Variants in RELL1 observed in about 807,000 individuals in gnomAD.
RELL1 encodes the protein RELT-like protein 1.
Under a neutral mutation model 23.0 loss-of-function variants are expected in RELL1, and 10 were observed. The observed-to-expected ratio is 0.43, with a 90% CI of 0.27 to 0.74. The LOEUF (loss-of-function observed/expected upper bound fraction) is 0.74. Ranked by LOEUF, RELL1 falls within the 30% of genes least tolerant of loss-of-function variation. RELL1 has a pLI of 0.19. For synonymous variants in RELL1, 146 were observed against 146.8 expected (o/e 0.99, Z 0.04); for missense variants, 315 against 364.4 (o/e 0.86, Z 1.10).
intron 3 of RELL1, among the ~76,000 whole-genome samples, chr4:37,644,749 C>G (rs532163899): frequency 4.3e-4 from 65 of 152,198 alleles, no homozygotes; most frequent in African/African-American, 1.5e-3. Context: ...CATGAGCCAG[C>G]ACGCCCGGCC....
chr4:37,671,467 G>A (rs1213327471), intron 1 of RELL1, among the ~76,000 whole-genome samples: 1 of 152,164 alleles, frequency 6.6e-6, no homozygotes, highest in Non-Finnish European at 1.5e-5. Context: ...CAATGAAAGT[G>A]ACCTCTGGTT....
At chr4:37,676,320 A>T (rs1022249164) in intron 1 of RELL1, among the ~76,000 whole-genome samples, 1 of 152,196 alleles carries the variant, frequency 6.6e-6, no homozygotes, top group Non-Finnish European at 1.5e-5. Flanking sequence ...GTACTTTGTT[A>T]ATACCTGTTG....
chr4:37,604,766 C>CACACAG (rs1577557692), intron 6 of RELL1, among the ~76,000 whole-genome samples: 1 of 137,134 alleles, frequency 7.3e-6, no homozygotes, highest in Admixed American at 7.3e-5. Context: ...AAGAACCACA[C>CACACAG]ACACACACAG....
chr4:37,618,178 T>C (rs1719636853), intron 6 of RELL1, among the ~76,000 whole-genome samples: 1 of 152,176 alleles, frequency 6.6e-6, no homozygotes, highest in Admixed American at 6.5e-5. Context: ...CAGTAGATGC[T>C]CTGTGTCTGT....
intron 1 of RELL1, among the ~76,000 whole-genome samples, chr4:37,676,358 G>A (rs560749656): frequency 5.9e-5 from 9 of 152,238 alleles, no homozygotes; most frequent in South Asian, 4.1e-4. Context: ...AAGAAGCCAC[G>A]AAACAATTGG....
intron 3 of RELL1, among the ~76,000 whole-genome samples, chr4:37,642,192 T>C (rs528954209): frequency 7.2e-5 from 11 of 152,326 alleles, no homozygotes; most frequent in African/African-American, 2.2e-4. Context: ...AAAGGAATCT[T>C]TTCTGGCAAA....
At chr4:37,665,842 A>G (rs1289087460) in intron 1 of RELL1, among the ~76,000 whole-genome samples, 1 of 152,210 alleles carries the variant, frequency 6.6e-6, no homozygotes, top group African/African-American at 2.4e-5. Flanking sequence ...TCTGGGCACA[A>G]CTGGCACCTG....
At chr4:37,656,818 T>A (rs538624361) in intron 1 of RELL1, among the ~76,000 whole-genome samples, 1 of 152,242 alleles carries the variant, frequency 6.6e-6, no homozygotes. Flanking sequence ...ATTTTGTCAC[T>A]GATGTCATGA....
intron 1 of RELL1, among the ~76,000 whole-genome samples, chr4:37,676,876 T>C (rs764086740): frequency 1.3e-5 from 2 of 152,184 alleles, no homozygotes; most frequent in African/African-American, 4.8e-5. Context: ...ATTTACTCTA[T>C]TCCGGGCCCT....
chr4:37,633,301 C>T (rs994032965), intron 5 of RELL1, among the ~76,000 whole-genome samples: 1 of 151,202 alleles, frequency 6.6e-6, no homozygotes, highest in Non-Finnish European at 1.5e-5. Flanking sequence ...CCCAGCTACT[C>T]GGGAGGCTGA....
chr4:37,670,150 G>A (rs1335029653), intron 1 of RELL1, among the ~76,000 whole-genome samples: 3 of 150,532 alleles, frequency 2.0e-5, no homozygotes, highest in Admixed American at 2.0e-4. Context: ...GAACTCTGGG[G>A]CATTTTTTTC....
At chr4:37,658,511 C>T (rs1383400102) in intron 1 of RELL1, among the ~76,000 whole-genome samples, 1 of 152,200 alleles carries the variant, frequency 6.6e-6, no homozygotes, top group Non-Finnish European at 1.5e-5. Context: ...CCTCACATTA[C>T]AGATGGGGAA....
chr4:37,610,491 G>GAA (rs1481441417), downstream of RELL1, among the ~76,000 whole-genome samples: 6 of 152,008 alleles, frequency 3.9e-5, no homozygotes, highest in African/African-American at 1.5e-4. The surrounding 1 kb of genome is among the most constrained non-coding windows in gnomAD (Gnocchi z 4.1). Flanking sequence ...ATCTCATGAG[G>GAA]AAAGTCAGCC....
chr4:37,656,847 C>T (rs1721135757), intron 1 of RELL1, among the ~76,000 whole-genome samples: 1 of 152,236 alleles, frequency 6.6e-6, no homozygotes. Flanking sequence ...GAGGCCCTTA[C>T]CAGATATGGC....
At chr4:37,653,363 CCTCAATATTCAATACAAGTAT>C (rs1376044384) in intron 1 of RELL1, among the ~76,000 whole-genome samples, 5 of 51,228 alleles carry the variant, frequency 9.8e-5, no homozygotes, top group East Asian at 4.1e-3. Flanking sequence ...AGTATTGAAA[CCTCAATATTCAATACAAGTAT>C]TGAAACCTCA....
At chr4:37,657,754 A>G (rs73147231) in intron 1 of RELL1, among the ~76,000 whole-genome samples, 13,094 of 152,078 alleles carry the variant, frequency 0.086, 651 homozygotes, top group African/African-American at 0.099. Context: ...AAAATCCCCA[A>G]AAAATAAGAT....
intron 1 of RELL1, among the ~76,000 whole-genome samples, chr4:37,650,939 G>A (rs941997989): frequency 2.6e-5 from 4 of 151,908 alleles, no homozygotes; most frequent in African/African-American, 9.7e-5. Flanking sequence ...CACAACTGTG[G>A]TGCCAGCTAC....
At position 37,658,601 on chromosome 4, in the gene RELL1, C is replaced by A. The variant is rs140868593; in HGVS notation, c.89-9101G>T. Among the ~76,000 whole-genome samples, 299 of 152,286 alleles carry A rather than the reference C, an allele frequency of 2.0e-3. 2 individuals carry two copies. The highest frequency in any genetic ancestry group is 6.6e-3 in the African/African-American group (276 of 41,554). ...CAAGTGGCAGTGCCTGGATTCAAAC[C>A]AGGCAGTGTGGATCCTGCATGCTCA... On this transcript the variant is annotated intron_variant, in intron 1 of 6. Transcript: ENST00000454158.
chr4:37,616,354 T>C (rs1373148651), intron 6 of RELL1, among the ~76,000 whole-genome samples: 1 of 152,200 alleles, frequency 6.6e-6, no homozygotes, highest in Admixed American at 6.5e-5. Flanking sequence ...GCTACCTCCA[T>C]GCTGCACTGC....
Sources: gnomAD v4.1 joint callset for allele counts (sites outside exome capture counted in the v4.1 genomes callset) on GRCh38, gnomAD v4.1.1 for gene constraint, Gnocchi (gnomAD v3.1) non-coding constraint, MANE v1.5 for transcripts, NCBI Gene and HGNC (gene_info 2026-07-23, HGNC 2026-07-21) for gene names.